GATD1: variants seen among roughly 807,000 people sequenced by gnomAD.
GATD1 encodes glutamine amidotransferase-like class 1 domain-containing protein 1.
A neutral mutation model predicts 25.9 loss-of-function variants in GATD1; 23 were observed. That is an observed-to-expected ratio of 0.89 (90% CI 0.64 to 1.26). The LOEUF (loss-of-function observed/expected upper bound fraction) is 1.26, where lower values mean the gene tolerates loss of function less well. Ranked by LOEUF, GATD1 falls within the 50% of genes most tolerant of loss-of-function variation. The pLI is 0.00. For missense variants in GATD1, 347 were observed against 312.5 expected (o/e 1.11, Z -0.83); for synonymous variants, 177 against 134.6 (o/e 1.31, Z -2.18).
In GATD1 at chr11:774,048, G is replaced by A. The variant is rs1451391627; in HGVS notation, c.207C>T (p.Leu69=). ...GCTTGGCGGGGCTGGCGTAAGCCTT[G>A]AGGCGGAAGTCTTGCACCCAGCGTG... ...SNARWVQDFR[L]KAYASPAKLE... is the part of the protein sequence containing the mutation. The change falls in exon 3 of 8, where the codon CTC becomes CTT. Residue 69 remains leucine (L), a synonymous_variant. Coordinates refer to ENST00000319863, the MANE Select transcript of GATD1 (RefSeq NM_182612.4). 8 of 1,613,670 alleles carry A rather than the reference G, an allele frequency of 5.0e-6. No homozygotes were observed.
At chr11:773,788 G>GC (rs1256168650) in intron 3 of GATD1, among the ~76,000 whole-genome samples, 159 bp from the exon 4 acceptor site, 2 of 152,032 alleles carry the variant, frequency 1.3e-5, no homozygotes, top group Non-Finnish European at 2.9e-5. Flanking sequence ...GCTCCCAAGG[G>GC]CCCCCCTGAC....
intron 4 of GATD1, 140 bp downstream of exon 4, chr11:773,382 C>T (rs1354351172): frequency 2.8e-6 from 2 of 707,474 alleles, no homozygotes; most frequent in African/African-American, 3.7e-5. Context: ...GCCTCCTGCC[C>T]ACAACCACTG....
In GATD1 at chr11:771,330, C is replaced by T; in HGVS notation, c.544+3G>A. The stretch of plus-strand genomic sequence containing the variant: ...AAGTGCAGGGGGCACCCTCGAGGCT[C>T]ACCACTGAAGCAGGCGCCCGAATCC... On this transcript the variant is annotated splice_donor_region_variant and intron_variant, in intron 6 of 7. Coordinates refer to ENST00000319863, the MANE Select transcript of GATD1 (RefSeq NM_182612.4). 6 of 1,603,382 alleles carry T rather than the reference C, an allele frequency of 3.7e-6. No homozygotes were observed. Among genetic ancestry groups the T allele is most frequent in the Non-Finnish European group, 5.1e-6 (6 of 1,175,410 alleles).
chr11:771,829 C>T (rs1215681958), intron 5 of GATD1, among the ~76,000 whole-genome samples: 1 of 152,096 alleles, frequency 6.6e-6, no homozygotes, highest in African/African-American at 2.4e-5. Context: ...TGTCACCCCT[C>T]GGAGGGCACC....
Position 771,373 on chromosome 11 carries a change from C to G in GATD1, c.504G>C (p.Val168=). The G allele has an allele frequency of 6.3e-7, 1 of 1,586,890 alleles. No individual in the cohort carries two copies. Among genetic ancestry groups the G allele is most frequent in the Non-Finnish European group, 8.6e-7 (1 of 1,166,984 alleles). The stretch of plus-strand genomic sequence containing the variant: ...CCGAATCCTTCACGAAGTCCTCCAC[C>G]ACGAGCGGCAGGCGGGCGAAGCCGG... ...RAPGFARLPL[V]VEDFVKDSGA... The change falls in exon 6 of 8, where the codon GTG becomes GTC. Residue 168 remains valine, a synonymous_variant. Coordinates refer to ENST00000319863, the MANE Select transcript of GATD1 (RefSeq NM_182612.4).
At position 777,471 on chromosome 11, in the gene GATD1, C is replaced by G. The variant is rs1041647703; in HGVS notation, c.-9G>C. 2 of 1,232,532 alleles carry G rather than the reference C, an allele frequency of 1.6e-6. No homozygotes were observed. Among genetic ancestry groups the G allele is most frequent in the Non-Finnish European group, 2.0e-6 (2 of 985,628 alleles). 76.3% of individuals were successfully genotyped at this position (1,232,532 alleles called of 1,614,324 possible). On this transcript the variant is annotated 5_prime_UTR_variant, in exon 1 of 8. Coordinates refer to ENST00000319863, the MANE Select transcript of GATD1 (RefSeq NM_182612.4). ...AGCCGCTCGGACGCCATGGCTCGGGCTCGGCGCTGGGTCTGCGCGTGCGCG... is the reference window on the plus strand; with the variant it reads ...AGCCGCTCGGACGCCATGGCTCGGGGTCGGCGCTGGGTCTGCGCGTGCGCG...
At position 775,050 on chromosome 11, in the gene GATD1, G is replaced by A. The variant is rs1379285703; in HGVS notation, c.141+16C>T. The A allele has an allele frequency of 1.9e-6, 3 of 1,593,986 alleles. No individual in the cohort carries two copies. The highest frequency in any genetic ancestry group is 2.7e-5 in the African/African-American group (2 of 74,894). On this transcript the variant is annotated intron_variant, in intron 2 of 7. Transcript: ENST00000319863. ...AGACCCCAAGTGTCCAGTGGGGAAG[G>A]AGAGGCTGGACTTACCCCAGGGGTG...
In GATD1 at chr11:774,101, C is replaced by G; in HGVS notation, c.154G>C (p.Glu52Gln). ...TTGCTCTCAGTCACATCCACAAATTCCATGGCTTTCCCCTGGAGAAGCAGA... is the reference window on the plus strand; with the variant it reads ...TTGCTCTCAGTCACATCCACAAATTGCATGGCTTTCCCCTGGAGAAGCAGA... ...QVATPGGKAM[E>Q]FVDVTESNAR... The change falls in exon 3 of 8, where the codon GAA becomes CAA. Residue 52 changes from glutamate to glutamine, a missense_variant. Transcript: ENST00000319863. 6.2e-7 allele frequency: 1 copy of G among 1,613,550 alleles called. No homozygotes were observed. Among genetic ancestry groups the G allele is most frequent in the East Asian group, 2.2e-5 (1 of 44,876 alleles).
At chr11:772,693 C>G in intron 4 of GATD1, 172 bp from the exon 5 acceptor site, 3 of 625,534 alleles carry the variant, frequency 4.8e-6, no homozygotes, top group Middle Eastern at 4.2e-4. Flanking sequence ...TCAGCCCGCA[C>G]AGCTGGCATC....
chr11:773,397 G>T (rs899701053), intron 4 of GATD1, 125 bp downstream of exon 4: 7 of 772,902 alleles, frequency 9.1e-6, no homozygotes, highest in Non-Finnish European at 1.5e-5. Context: ...CCACTGCAGT[G>T]GCCACTGACC....
chr11:771,724 G>T (rs1863465759), intron 5 of GATD1, among the ~76,000 whole-genome samples: 1 of 152,046 alleles, frequency 6.6e-6, no homozygotes, highest in Admixed American at 6.5e-5. Flanking sequence ...TGAGCCCCTT[G>T]GGCAGAGTGC....
intron 5 of GATD1, 35 bp downstream of exon 5, chr11:772,392 G>T (rs757467552): frequency 6.7e-7 from 1 of 1,493,394 alleles, no homozygotes; most frequent in Admixed American, 1.7e-5. Context: ...GGACAGAGCA[G>T]GGAGCACAGC....
Position 771,394 on chromosome 11 carries a change from G to A in GATD1, c.483C>T (p.Gly161=), listed in dbSNP as rs988779009. 16 of 1,568,748 alleles carry A rather than the reference G, an allele frequency of 1.0e-5. No homozygotes were observed. The highest frequency in any genetic ancestry group is 1.7e-4 in the Middle Eastern group (1 of 5,854). ...CCACCACGAGCGGCAGGCGGGCGAA[G>A]CCGGGGGCCCTGACGAGCTCACACA... The part of the protein sequence containing the change: ...PSVCELVRAP[G]FARLPLVVED... Residue 161 remains glycine (G), a synonymous_variant, in exon 6 of 8, where the codon GGC becomes GGT. Transcript: ENST00000319863.
In GATD1 at chr11:774,946, TCCA is replaced by T. The variant is rs1450798354; in HGVS notation, c.141+117_141+119del. The T allele has an allele frequency of 8.1e-6, 7 of 869,508 alleles. No individual in the cohort carries two copies. In the African/African-American group the frequency reaches 1.2e-4, roughly 15 times the overall value. 53.9% of individuals were successfully genotyped at this position (869,508 alleles called of 1,614,324 possible). The stretch of plus-strand genomic sequence containing the variant: ...GGTTTGGTTACAGACTCTTCACCCC[TCCA>T]CCAACTGCAGGGGCTCCCCACTCCT... On this transcript the variant is annotated intron_variant, in intron 2 of 7. Transcript: ENST00000319863.
At position 777,474 on chromosome 11, in the gene GATD1, G is replaced by A; in HGVS notation, c.-12C>T. 5.7e-6 allele frequency: 7 copies of A among 1,227,130 alleles called. No homozygotes were observed. The highest frequency in any genetic ancestry group is 7.1e-6 in the Non-Finnish European group (7 of 982,346). 76.0% of individuals were successfully genotyped at this position (1,227,130 alleles called of 1,614,324 possible). A position where few individuals can be genotyped will look rare whatever the true frequency, so the allele number is the denominator to read the frequency against. On this transcript the variant is annotated 5_prime_UTR_variant, in exon 1 of 8. Transcript: ENST00000319863. ...CGCTCGGACGCCATGGCTCGGGCTC[G>A]GCGCTGGGTCTGCGCGTGCGCGGCG... is the stretch of plus-strand genomic sequence containing the variant.
chr11:770,412 T>C lies in GATD1; in HGVS notation c.*485A>G. 1 of 1,520,342 alleles carries C rather than the reference T, an allele frequency of 6.6e-7. No individual in the cohort carries two copies. Among genetic ancestry groups the C allele is most frequent in the Non-Finnish European group, 8.8e-7 (1 of 1,139,290 alleles). The allele number at this position is 1,520,342 out of a possible 1,614,324, so 94.2% of individuals were successfully genotyped here. On this transcript the variant is annotated 3_prime_UTR_variant, in exon 8 of 8. Transcript: ENST00000319863. ...AGGCTGCTGCTCCTAAAAAATTCCGTTCACCTTTGGCCAAAGTTCTGAGCC... is the reference window on the plus strand; with the variant it reads ...AGGCTGCTGCTCCTAAAAAATTCCGCTCACCTTTGGCCAAAGTTCTGAGCC...
In GATD1 at chr11:770,976, C is replaced by T; in HGVS notation, c.656+17G>A. 1 of 1,613,438 alleles carries T rather than the reference C, an allele frequency of 6.2e-7. No individual in the cohort carries two copies. The highest frequency in any genetic ancestry group is 8.5e-7 in the Non-Finnish European group (1 of 1,179,968). ...AGCTCTGATGTGGCAGGAATGTGCC[C>T]ACCCTGGTGCCCTCACCGGCTGCCA... On this transcript the variant is annotated intron_variant, in intron 7 of 7. Transcript: ENST00000319863.
In GATD1 at chr11:767,473, G is replaced by T; in HGVS notation, c.*3424C>A. 1 of 1,447,542 alleles carries T rather than the reference G, an allele frequency of 6.9e-7. No individual in the cohort carries two copies. The highest frequency in any genetic ancestry group is 9.0e-7 in the Non-Finnish European group (1 of 1,106,200). 89.7% of individuals were successfully genotyped at this position (1,447,542 alleles called of 1,614,324 possible). A position where few individuals can be genotyped will look rare whatever the true frequency, so the allele number is the denominator to read the frequency against. On this transcript the variant is annotated 3_prime_UTR_variant, in exon 8 of 8. Coordinates refer to ENST00000319863, the MANE Select transcript of GATD1 (RefSeq NM_182612.4). ...CAGGGGCCTGCAGGCAGCTCACGCG[G>T]AGACAGGTCTGTGGGGCCCCGCGTC...
chr11:772,624 G>T (rs905561431), intron 4 of GATD1, 103 bp from the exon 5 acceptor site: 13 of 1,051,862 alleles, frequency 1.2e-5, no homozygotes, highest in Non-Finnish European at 1.7e-5. Context: ...TGTGCCGCCT[G>T]CCTGGCCCCT....
Sources: gnomAD v4.1 joint callset for allele counts (sites outside exome capture counted in the v4.1 genomes callset) on GRCh38, gnomAD v4.1.1 for gene constraint, MANE v1.5 for transcripts, NCBI Gene and HGNC (gene_info 2026-07-23, HGNC 2026-07-21) for gene names.